LPP: variants seen among roughly 807,000 people sequenced by gnomAD.
LPP encodes the protein LIM domain containing preferred translocation partner in lipoma, also known as lipoma-preferred partner.
Under a neutral mutation model 60.4 loss-of-function variants are expected in LPP, and 38 were observed. That is an observed-to-expected ratio of 0.63 (90% CI 0.49 to 0.83). The LOEUF (loss-of-function observed/expected upper bound fraction) is 0.83, where lower values mean the gene tolerates loss of function less well. Ranked by LOEUF, LPP falls within the 40% of genes least tolerant of loss-of-function variation. The pLI is 0.00. For synonymous variants in LPP, 328 were observed against 290.8 expected (o/e 1.13, Z -1.30); for missense variants, 902 against 783.6 (o/e 1.15, Z -1.80).
At position 188,883,732 on chromosome 3, in the gene LPP, C is replaced by CAAAAAAA. The variant is rs71169028; in HGVS notation, c.*9269_*9275dup. The CAAAAAAA allele has an allele frequency of 0.048, 3,316 of 69,520 alleles. 318 individuals carry two copies. Among genetic ancestry groups the CAAAAAAA allele is most frequent in the African/African-American group, 0.062 (876 of 14,224 alleles). The allele number at this position is 69,520 out of a possible 1,614,324, so 4.3% of individuals were successfully genotyped here. A position where few individuals can be genotyped will look rare whatever the true frequency, so the allele number is the denominator to read the frequency against. On this transcript the variant is annotated 3_prime_UTR_variant, in exon 12 of 12. Transcript: ENST00000617246. ...TGGGCGACAGAACGAGACTCCGTCT[C>CAAAAAAA]AAAAAAAAAAAAAAAAAAAAAAGGT...
chr3:188,611,606 G>T (rs1450693653), intron 7 of LPP, among the ~76,000 whole-genome samples: 1 of 152,194 alleles, frequency 6.6e-6, no homozygotes, highest in African/African-American at 2.4e-5. Context: ...AGACAATTTA[G>T]CCCTGCCCAA....
chr3:188,320,642 GA>G (rs569060632), intron 2 of LPP, among the ~76,000 whole-genome samples: 47 of 152,300 alleles, frequency 3.1e-4, no homozygotes, highest in Non-Finnish European at 5.3e-4. Context: ...GATGAGGAGA[GA>G]ATTCTTTTTC....
At chr3:188,647,874 G>C (rs1361189736) in intron 7 of LPP, among the ~76,000 whole-genome samples, 2 of 152,188 alleles carry the variant, frequency 1.3e-5, no homozygotes, top group East Asian at 3.8e-4. Context: ...GGGAAGACTG[G>C]ATGAAAAAAG....
intron 4 of LPP, among the ~76,000 whole-genome samples, chr3:188,465,317 A>C (rs1800112248): frequency 6.6e-6 from 1 of 152,104 alleles, no homozygotes; most frequent in Non-Finnish European, 1.5e-5. Context: ...TGGGATTAAT[A>C]TGAGAAATTC....
intron 4 of LPP, among the ~76,000 whole-genome samples, chr3:188,469,981 A>C (rs1801409352): frequency 6.6e-6 from 1 of 152,098 alleles, no homozygotes; most frequent in African/African-American, 2.4e-5. Context: ...TTGTATTTTT[A>C]AATTTAAATA....
chr3:188,616,790 C>T (rs765566944), intron 7 of LPP, among the ~76,000 whole-genome samples: 7 of 152,128 alleles, frequency 4.6e-5, no homozygotes, highest in Non-Finnish European at 8.8e-5. Context: ...ATCTACATAT[C>T]ATAGTTTTGC....
At chr3:188,698,249 C>T (rs184871640) in intron 7 of LPP, among the ~76,000 whole-genome samples, 1 of 152,208 alleles carries the variant, frequency 6.6e-6, no homozygotes, top group East Asian at 1.9e-4. Context: ...AGTTTGAAAA[C>T]CCAACCTTGA....
chr3:188,228,305 G>A (rs1718572358), intron 2 of LPP, among the ~76,000 whole-genome samples: 1 of 152,238 alleles, frequency 6.6e-6, no homozygotes, highest in South Asian at 2.1e-4. Context: ...TGTCTCCAGA[G>A]TCTGCTGGGG....
intron 8 of LPP, among the ~76,000 whole-genome samples, chr3:188,731,550 T>C (rs1720599367): frequency 6.6e-6 from 1 of 152,102 alleles, no homozygotes; most frequent in African/African-American, 2.4e-5. Flanking sequence ...TGAGATGGAG[T>C]CTCACTGTGT....
chr3:188,248,468 T>TTATATATATAGTTATATA lies in LPP; in HGVS notation c.-67+22951_-67+22952insGTTATATATATATATATA, dbSNP rs528762603. Among the ~76,000 whole-genome samples the TTATATATATAGTTATATA allele has an allele frequency of 7.4e-4, 62 of 84,140 alleles. 4 individuals carry two copies. The highest frequency in any genetic ancestry group is 1.3e-3 in the Non-Finnish European group (59 of 44,778). The allele number at this position is 84,140 out of a possible 152,430, so 55.2% of individuals were successfully genotyped here. On this transcript the variant is annotated intron_variant, in intron 2 of 11. Coordinates refer to ENST00000617246, the MANE Select transcript of LPP (RefSeq NM_001375462.1). ...CCTAGTGTTCAGCTGCAGTATAACT[T>TTATATATATAGTTATATA]TATATATATATATATATATATATAT... is the stretch of plus-strand genomic sequence containing the variant.
chr3:188,835,771 G>C (rs1577879397), intron 9 of LPP, among the ~76,000 whole-genome samples: 1 of 152,244 alleles, frequency 6.6e-6, no homozygotes, highest in African/African-American at 2.4e-5. Flanking sequence ...ATTATGAATG[G>C]GCAGAGAGGC....
chr3:188,794,673 G>C (rs1273146726), intron 9 of LPP, among the ~76,000 whole-genome samples: 1 of 152,134 alleles, frequency 6.6e-6, no homozygotes, highest in Admixed American at 6.5e-5. Flanking sequence ...ACCTCAGGGG[G>C]TCCTTGTGCA....
intron 6 of LPP, among the ~76,000 whole-genome samples, chr3:188,586,880 A>C (rs1837591542): frequency 6.6e-6 from 1 of 151,952 alleles, no homozygotes; most frequent in East Asian, 1.9e-4. Flanking sequence ...GGCACGCACC[A>C]TCAGGCCCAG....
At chr3:188,660,255 T>C (rs1854280959) in intron 7 of LPP, among the ~76,000 whole-genome samples, 1 of 152,204 alleles carries the variant, frequency 6.6e-6, no homozygotes, top group Admixed American at 6.5e-5. Context: ...TTACCTACAA[T>C]AATTGCAACA....
chr3:188,863,609 G>A (rs1390285650), intron 9 of LPP, among the ~76,000 whole-genome samples: 1 of 152,172 alleles, frequency 6.6e-6, no homozygotes, highest in Non-Finnish European at 1.5e-5. Context: ...TGCAGTAAAA[G>A]GCGCAGGCTG....
intron 2 of LPP, among the ~76,000 whole-genome samples, chr3:188,276,889 CTTTTCTTTTTTTTTTTT>C (rs1237211100): frequency 3.3e-5 from 2 of 60,160 alleles, no homozygotes; most frequent in Non-Finnish European, 6.1e-5. Context: ...CACTTCTTTT[CTTTTCTTTTTTTTTTTT>C]TTTTTTTTTT....
intron 6 of LPP, among the ~76,000 whole-genome samples, chr3:188,607,116 GACACACACACACACACACACACAC>G (rs34057522): frequency 1.5e-5 from 2 of 129,562 alleles, no homozygotes; most frequent in African/African-American, 6.0e-5. Flanking sequence ...TCTTGGTGAA[GACACACACACACACACACACACAC>G]ACACACACAC....
chr3:188,611,535 T>G (rs961441335), intron 7 of LPP, among the ~76,000 whole-genome samples: 1 of 152,162 alleles, frequency 6.6e-6, no homozygotes, highest in Non-Finnish European at 1.5e-5. Context: ...CCAGGGAAGA[T>G]TACAGTAAAA....
chr3:188,776,617 G>A (rs538464789), intron 9 of LPP, among the ~76,000 whole-genome samples: 3 of 152,254 alleles, frequency 2.0e-5, no homozygotes, highest in South Asian at 4.2e-4. Context: ...GAAGCCACAA[G>A]AAAACACAGC....
Sources: gnomAD v4.1 joint callset for allele counts (sites outside exome capture counted in the v4.1 genomes callset) on GRCh38, gnomAD v4.1.1 for gene constraint, MANE v1.5 for transcripts, NCBI Gene and HGNC (gene_info 2026-07-23, HGNC 2026-07-21) for gene names.